Variants in KCTD1 observed in about 807,000 individuals in gnomAD.
KCTD1 encodes BTB/POZ domain-containing protein KCTD1.
A neutral mutation model predicts 66.0 loss-of-function variants in KCTD1; 24 were observed. The observed-to-expected ratio is 0.36, with a 90% CI of 0.26 to 0.51. KCTD1 has a LOEUF of 0.51. Among genes scored for constraint, KCTD1 ranks in the 20% least tolerant of loss-of-function variants. KCTD1 has a pLI of 0.95. For synonymous variants in KCTD1, 511 were observed against 517.2 expected, an observed-to-expected ratio of 0.99 and a Z score of 0.16; for missense variants, 943 against 1,205.2, an observed-to-expected ratio of 0.78 and a Z score of 3.22.
intron 3 of KCTD1, among the ~76,000 whole-genome samples, chr18:26,465,754 G>A (rs954298773): frequency 6.6e-6 from 1 of 152,188 alleles, no homozygotes; most frequent in African/African-American, 2.4e-5. Context: ...CACCACAGGA[G>A]CTAGGCCTGA....
chr18:26,537,562 C>T (rs1984766005), intron 1 of KCTD1, among the ~76,000 whole-genome samples: 2 of 152,212 alleles, frequency 1.3e-5, no homozygotes, highest in Admixed American at 6.5e-5. Context: ...TATATTAGTA[C>T]ACCTCAACTT....
At chr18:26,571,996 T>TA (rs948436989) in intron 1 of KCTD1, among the ~76,000 whole-genome samples, 31 of 151,064 alleles carry the variant, frequency 2.1e-4, no homozygotes, top group Admixed American at 1.8e-3. Flanking sequence ...CTGTATTCAT[T>TA]AAAAAAAAAT....
Position 26,540,966 on chromosome 18 carries a change from GA to G in KCTD1, c.1809+5761del, listed in dbSNP as rs376081724. 3.5e-3 allele frequency among the ~76,000 whole-genome samples: 535 copies of G among 152,290 alleles called. 2 individuals are homozygous for G. Among genetic ancestry groups the G allele is most frequent in the African/African-American group, 0.012 (513 of 41,560 alleles). On this transcript the variant is annotated intron_variant, in intron 1 of 4. Transcript: ENST00000580059. ...TACTCCCAGGAAAGGTCTGGATTATGAAGAGCATTTTCAAGTGGCATTGGCT... is the reference window on the plus strand; with the variant it reads ...TACTCCCAGGAAAGGTCTGGATTATGAGAGCATTTTCAAGTGGCATTGGCT...
chr18:26,566,166 A>G (rs1985976251), intron 1 of KCTD1: 1 of 152,202 alleles, frequency 6.6e-6, no homozygotes, highest in Admixed American at 6.5e-5. Context: ...AGATAGCTGT[A>G]ATCAAATATT....
intron 1 of KCTD1, among the ~76,000 whole-genome samples, chr18:26,617,083 A>T (rs1393924279): frequency 6.6e-6 from 1 of 152,220 alleles, no homozygotes; most frequent in African/African-American, 2.4e-5. Flanking sequence ...TTGGTGGAGT[A>T]AGGAAGAGAA....
Position 26,482,702 on chromosome 18 carries a change from AGGCCT to A in KCTD1, c.1989-6048_1989-6044del, listed in dbSNP as rs772181602. Among the ~76,000 whole-genome samples, 20 of 152,268 alleles carry A rather than the reference AGGCCT, an allele frequency of 1.3e-4. No individual in the cohort carries two copies. In the South Asian group the frequency reaches 2.5e-3, roughly 19 times the overall value. ...GAACCAAGGCATGTAACTCGACACC[AGGCCT>A]GGCTTTACCGAGAGGCCAGCAGGTT... On this transcript the variant is annotated intron_variant, in intron 2 of 4. Coordinates refer to ENST00000580059, the MANE Select transcript of KCTD1 (RefSeq NM_001142730.3).
chr18:26,641,286 C>T (rs371446973), upstream of KCTD1, among the ~76,000 whole-genome samples: 4 of 152,200 alleles, frequency 2.6e-5, no homozygotes, highest in Non-Finnish European at 5.9e-5. Flanking sequence ...TGTAGCGCCA[C>T]GGTGCCTCAG....
intron 1 of KCTD1, among the ~76,000 whole-genome samples, chr18:26,521,593 T>C (rs1983913975): frequency 6.6e-6 from 1 of 152,224 alleles, no homozygotes; most frequent in African/African-American, 2.4e-5. Flanking sequence ...CTATCAAGAT[T>C]GTGCCCCAGG....
At chr18:26,527,500 G>C (rs1277372328) in intron 1 of KCTD1, among the ~76,000 whole-genome samples, 1 of 147,874 alleles carries the variant, frequency 6.8e-6, no homozygotes, top group Non-Finnish European at 1.5e-5. Context: ...AAAGGGGGGG[G>C]GGCGTGGGAG....
intron 1 of KCTD1, among the ~76,000 whole-genome samples, chr18:26,514,569 AAAG>A (rs1368515338): frequency 1.4e-5 from 2 of 139,984 alleles, no homozygotes; most frequent in African/African-American, 2.7e-5. Flanking sequence ...AAAAAAAAAA[AAAG>A]AAATGGCAGA....
intron 3 of KCTD1, among the ~76,000 whole-genome samples, chr18:26,474,989 A>G (rs552305129): frequency 2.0e-5 from 3 of 152,236 alleles, no homozygotes; most frequent in South Asian, 4.2e-4. Context: ...CTCAGCACCT[A>G]TTACTGACTA....
At chr18:26,578,833 ATCCACACT>A (rs1490651820) in intron 1 of KCTD1, among the ~76,000 whole-genome samples, 4 of 152,284 alleles carry the variant, frequency 2.6e-5, no homozygotes, top group South Asian at 4.1e-4. Flanking sequence ...CAAATTACAC[ATCCACACT>A]TCCGTGGAGG....
upstream of KCTD1, among the ~76,000 whole-genome samples, chr18:26,552,101 G>A (rs1437225012): frequency 6.6e-6 from 1 of 152,120 alleles, no homozygotes; most frequent in African/African-American, 2.4e-5. Flanking sequence ...TTGCTGGTGG[G>A]GGTGGGGGGT....
upstream of KCTD1, chr18:26,549,640 C>T (rs1985465971): frequency 3.4e-6 from 3 of 892,566 alleles, no homozygotes; most frequent in African/African-American, 5.4e-5. Context: ...CCCTAAGGCC[C>T]ATCGGGCAGG....
intron 3 of KCTD1, among the ~76,000 whole-genome samples, chr18:26,466,404 G>T (rs1980735451): frequency 6.6e-6 from 1 of 152,240 alleles, no homozygotes; most frequent in Admixed American, 6.5e-5. Flanking sequence ...AGCGCTTCCT[G>T]TCAATACTCC....
In KCTD1 at chr18:26,468,265, A is replaced by G. The variant is rs1461273706; in HGVS notation, c.2133+8250T>C. Among the ~76,000 whole-genome samples the G allele has an allele frequency of 6.6e-6, 1 of 152,266 alleles. No homozygotes were observed. The highest frequency in any genetic ancestry group is 2.4e-5 in the African/African-American group (1 of 41,478). ...AGAAAAGTTCTGCAATCACTTATGC[A>G]GAGAACAGATCTCAACAGCTTTCCA... is the stretch of plus-strand genomic sequence containing the variant. On this transcript the variant is annotated intron_variant, in intron 3 of 4. Coordinates refer to ENST00000580059, the MANE Select transcript of KCTD1 (RefSeq NM_001142730.3). The surrounding 1 kb of genome is among the most constrained non-coding windows in gnomAD (Gnocchi z 4.8).
chr18:26,628,064 C>T (rs1987541444), intron 1 of KCTD1, among the ~76,000 whole-genome samples: 1 of 152,140 alleles, frequency 6.6e-6, no homozygotes, highest in African/African-American at 2.4e-5. Flanking sequence ...GGCTAGAGGC[C>T]CTCCTTTCCC....
intron 1 of KCTD1, chr18:26,575,702 T>A (rs1440255351): frequency 6.6e-6 from 1 of 152,212 alleles, no homozygotes; most frequent in Non-Finnish European, 1.5e-5. Flanking sequence ...ATTTGTACAT[T>A]ATTTAGGTTG....
chr18:26,481,598 TA>T (rs1237702716), intron 2 of KCTD1, among the ~76,000 whole-genome samples: 1 of 152,142 alleles, frequency 6.6e-6, no homozygotes, highest in Non-Finnish European at 1.5e-5. Context: ...TCAGGGACAG[TA>T]AGTAAAAGAG....
Sources: allele counts gnomAD v4.1 joint callset (sites outside exome capture counted in the v4.1 genomes callset), GRCh38; gene constraint gnomAD v4.1.1; non-coding constraint Gnocchi (gnomAD v3.1); transcripts MANE v1.5; gene names NCBI Gene and HGNC (gene_info 2026-07-23, HGNC 2026-07-21).